HORMAD2: variants seen among roughly 807,000 people sequenced by gnomAD.
HORMAD2 encodes HORMA domain-containing protein 2.
A neutral mutation model predicts 38.8 loss-of-function variants in HORMAD2; 45 were observed. The ratio of observed to expected loss-of-function variants is 1.16; its 90% CI spans 0.91 to 1.49. The LOEUF (loss-of-function observed/expected upper bound fraction) is 1.49, where lower values mean the gene tolerates loss of function less well. HORMAD2 is among the 40% of genes most tolerant of loss of function. HORMAD2 has a pLI of 0.00. For synonymous variants in HORMAD2, 126 were observed against 122.8 expected (o/e 1.03, Z -0.17); for missense variants, 338 against 367.0 (o/e 0.92, Z 0.65).
the HORMAD2 span, among the ~76,000 whole-genome samples, chr22:30,201,765 A>T: frequency 0.01 from 1,532 of 151,952 alleles, 15 homozygotes; most frequent in Middle Eastern, 0.037. Context: ...CGCAACATCT[A>T]GTGTGTTTGT....
At chr22:30,087,207 G>A (rs752333327) in intron 1 of HORMAD2, among the ~76,000 whole-genome samples, 1 of 152,162 alleles carries the variant, frequency 6.6e-6, no homozygotes, top group Non-Finnish European at 1.5e-5. Flanking sequence ...ACGAGGAAGG[G>A]ATTAAGGTTG....
intron 5 of HORMAD2, among the ~76,000 whole-genome samples, chr22:30,108,357 A>G (rs1316433237): frequency 6.6e-6 from 1 of 152,176 alleles, no homozygotes; most frequent in Non-Finnish European, 1.5e-5. Flanking sequence ...CAAGGCCTGT[A>G]TGATCCCTAT....
the HORMAD2 span, among the ~76,000 whole-genome samples, chr22:30,189,937 AC>A: frequency 6.6e-6 from 1 of 151,910 alleles, no homozygotes; most frequent in Admixed American, 6.6e-5. Flanking sequence ...TTGAGCTTGA[AC>A]CTTTTCTCCC....
the HORMAD2 span, among the ~76,000 whole-genome samples, chr22:30,186,319 C>T: frequency 3.4e-5 from 5 of 149,016 alleles, no homozygotes; most frequent in African/African-American, 7.4e-5. Context: ...GTTTTCTCTC[C>T]TCTGGATAGG....
At chr22:30,205,425 AC>A in the HORMAD2 span, among the ~76,000 whole-genome samples, 1 of 152,094 alleles carries the variant, frequency 6.6e-6, no homozygotes, top group Non-Finnish European at 1.5e-5. Context: ...TCAGCCAGCT[AC>A]CTCGTTTCGC....
chr22:30,118,956 C>A lies in HORMAD2; in HGVS notation c.343-24C>A. The A allele has an allele frequency of 6.6e-7, 1 of 1,506,250 alleles. No homozygotes were observed. Among genetic ancestry groups the A allele is most frequent in the South Asian group, 1.2e-5 (1 of 81,346 alleles). The allele number at this position is 1,506,250 out of a possible 1,614,324, so 93.3% of individuals were successfully genotyped here. A position where few individuals can be genotyped will look rare whatever the true frequency, so the allele number is the denominator to read the frequency against. On this transcript the variant is annotated intron_variant, in intron 7 of 10. Transcript: ENST00000336726. ...ATTTCTTTTCTAAATTCTTTTTTTT[C>A]TTTATTTCCTTTGGTTTTTGTAGAA...
rs1414379835 is a variant in HORMAD2 at position 30,103,467 on chromosome 22, A to T, written c.224A>T (p.Lys75Ile). ...AGTTTAAAAATCCTCCGAGAAGATA[A>T]AAAATGTCCCGGGTCACTGCATATT... is the stretch of plus-strand genomic sequence containing the variant. The part of the protein sequence containing the change: ...DLSLKILRED[K>I]KCPGSLHIIR... The change falls in exon 4 of 11, where the codon AAA becomes ATA. Residue 75 changes from lysine (K) to isoleucine (I), a missense_variant. Lys to Ile is a moderately radical substitution (Grantham distance 102, BLOSUM62 -3). Transcript: ENST00000336726. 2 of 1,542,316 alleles carry T rather than the reference A, an allele frequency of 1.3e-6. No individual in the cohort carries two copies. Among genetic ancestry groups the T allele is most frequent in the Non-Finnish European group, 8.8e-7 (1 of 1,136,536 alleles).
At chr22:30,171,362 C>T (rs554854582) in intron 10 of HORMAD2, among the ~76,000 whole-genome samples, 204 of 152,284 alleles carry the variant, frequency 1.3e-3, no homozygotes, top group Non-Finnish European at 2.3e-3. Context: ...CCATTGTTCT[C>T]GACCTGAGAG....
At chr22:30,088,609 AGTTTT>A (rs1490297131) in intron 1 of HORMAD2, among the ~76,000 whole-genome samples, 1 of 151,498 alleles carries the variant, frequency 6.6e-6, no homozygotes, top group Non-Finnish European at 1.5e-5. Context: ...AAAACTATTT[AGTTTT>A]ATTAAGTAAG....
chr22:30,119,385 C>T (rs905901773), intron 8 of HORMAD2, among the ~76,000 whole-genome samples: 1 of 152,144 alleles, frequency 6.6e-6, no homozygotes, highest in East Asian at 1.9e-4. Context: ...CTTTCCACCT[C>T]GATATAGCCA....
chr22:30,171,079 C>T (rs1300673669), intron 10 of HORMAD2, among the ~76,000 whole-genome samples: 1 of 152,164 alleles, frequency 6.6e-6, no homozygotes, highest in Non-Finnish European at 1.5e-5. Context: ...CTTTCTCAGT[C>T]TACTTTGTTG....
chr22:30,183,294 G>A, the HORMAD2 span, among the ~76,000 whole-genome samples: 2 of 152,182 alleles, frequency 1.3e-5, no homozygotes, highest in African/African-American at 4.8e-5. Flanking sequence ...TTACACTGGG[G>A]TAACCACTAT....
chr22:30,080,783 C>T (rs1442717863), intron 1 of HORMAD2, among the ~76,000 whole-genome samples: 2 of 151,978 alleles, frequency 1.3e-5, no homozygotes, highest in Non-Finnish European at 2.9e-5. Flanking sequence ...ACTTGCTGAG[C>T]AAGCAGCAGC....
At chr22:30,144,106 C>T (rs537445451) in intron 10 of HORMAD2, among the ~76,000 whole-genome samples, 74 of 152,306 alleles carry the variant, frequency 4.9e-4, no homozygotes, top group African/African-American at 1.7e-3. Context: ...CCTAATACAG[C>T]GGTTTCATCT....
chr22:30,125,216 CTTTTTTTTTTTT>C (rs1167990121), intron 10 of HORMAD2, among the ~76,000 whole-genome samples: 3 of 43,480 alleles, frequency 6.9e-5, no homozygotes, highest in East Asian at 6.3e-4. Flanking sequence ...TTTTTCTTTT[CTTTTTTTTTTTT>C]TTTTTTTTTT....
At position 30,139,254 on chromosome 22, in the gene HORMAD2, C is replaced by CTATATATATATATATA. The variant is rs3067131; in HGVS notation, c.819+17058_819+17073dup. On this transcript the variant is annotated intron_variant, in intron 10 of 10. Coordinates refer to ENST00000336726, the MANE Select transcript of HORMAD2 (RefSeq NM_152510.4). Reference sequence around the variant, plus strand: ...TGTTTATATATATATATGAACTGTACTATATATATATATATATATATATAT... The same window carrying CTATATATATATATATA: ...TGTTTATATATATATATGAACTGTACTATATATATATATATATATATATATATATATATATATATAT... Among the ~76,000 whole-genome samples, 147 of 96,686 alleles carry CTATATATATATATATA rather than the reference C, an allele frequency of 1.5e-3. 1 individual carries two copies. The highest frequency in any genetic ancestry group is 2.7e-3 in the African/African-American group (53 of 19,960). 63.4% of individuals were successfully genotyped at this position (96,686 alleles called of 152,430 possible). A position where few individuals can be genotyped will look rare whatever the true frequency, so the allele number is the denominator to read the frequency against.
intron 5 of HORMAD2, among the ~76,000 whole-genome samples, chr22:30,111,152 C>CAAAAA (rs548430920): frequency 1.2e-5 from 1 of 82,984 alleles, no homozygotes; most frequent in Admixed American, 1.2e-4. Flanking sequence ...AAGACTCTGT[C>CAAAAA]AAAAAAAAAA....
rs1287593141 is a variant in HORMAD2, at chr22:30,136,869, T to C, written c.819+14655T>C. 1.2e-4 allele frequency: 46 copies of C among 391,240 alleles called. No individual in the cohort carries two copies. In the East Asian group the frequency reaches 2.2e-3, roughly 18 times the overall value. 24.2% of individuals were successfully genotyped at this position (391,240 alleles called of 1,614,324 possible). On this transcript the variant is annotated intron_variant, in intron 10 of 10. Coordinates refer to ENST00000336726, the MANE Select transcript of HORMAD2 (RefSeq NM_152510.4). ...GAGAGGATAAACAGATAGGCAAGCC[T>C]TTTCTATGTCTTTTCCAGTGCTGTC... is the stretch of plus-strand genomic sequence containing the variant.
In HORMAD2 at chr22:30,090,336, G is replaced by C. The variant is rs534250433; in HGVS notation, c.-37-3580G>C. Among the ~76,000 whole-genome samples, 10 of 152,270 alleles carry C rather than the reference G, an allele frequency of 6.6e-5. No individual in the cohort carries two copies. In the South Asian group the frequency reaches 1.9e-3, roughly 28 times the overall value. On this transcript the variant is annotated intron_variant, in intron 1 of 10. Coordinates refer to ENST00000336726, the MANE Select transcript of HORMAD2 (RefSeq NM_152510.4). ...CGAGATCACGCCATTGCACTCTACTGTGGGTGACAGAAGGAGACCCCGTCT... is the reference window on the plus strand; with the variant it reads ...CGAGATCACGCCATTGCACTCTACTCTGGGTGACAGAAGGAGACCCCGTCT...
Sources: gnomAD v4.1 joint callset for allele counts (sites outside exome capture counted in the v4.1 genomes callset) on GRCh38, gnomAD v4.1.1 for gene constraint, MANE v1.5 for transcripts, NCBI Gene and HGNC (gene_info 2026-07-23, HGNC 2026-07-21) for gene names.